CD109: variants seen among roughly 807,000 people sequenced by gnomAD.
CD109 encodes the protein CD109 molecule.
A neutral mutation model predicts 165.8 loss-of-function variants in CD109; 149 were observed. The observed-to-expected ratio is 0.90, with a 90% confidence interval of 0.79 to 1.03. CD109 has a LOEUF of 1.03. Ranked by LOEUF, CD109 falls within the 50% of genes least tolerant of loss-of-function variation. CD109 has a pLI of 0.00. For synonymous variants in CD109, 585 were observed against 592.1 expected (o/e 0.99, Z 0.18); for missense variants, 1,712 against 1,677.8 (o/e 1.02, Z -0.36).
intron 28 of CD109, 130 bp downstream of exon 28, chr6:73,811,277 T>G: frequency 9.3e-7 from 1 of 1,074,324 alleles, no homozygotes; most frequent in Non-Finnish European, 1.3e-6. Context: ...TAGGGAGAAG[T>G]GGTGCCCTTC....
intron 13 of CD109, 148 bp downstream of exon 13, chr6:73,767,158 A>G: frequency 1.5e-6 from 1 of 679,570 alleles, no homozygotes; most frequent in Non-Finnish European, 2.5e-6. Context: ...TCACCCAGGT[A>G]TTAATCCTAG....
At chr6:73,679,782 G>A in the CD109 span, among the ~76,000 whole-genome samples, 1 of 151,872 alleles carries the variant, frequency 6.6e-6, no homozygotes, top group Non-Finnish European at 1.5e-5. Context: ...TTATAGGCAC[G>A]AGCCACCATG....
intron 5 of CD109, among the ~76,000 whole-genome samples, chr6:73,756,357 T>A (rs993680549): frequency 8.5e-5 from 13 of 152,182 alleles, no homozygotes; most frequent in Non-Finnish European, 1.8e-4. Flanking sequence ...ATGATGGAAG[T>A]CAGATTAAGC....
chr6:73,707,962 TTATATATATATA>T (rs200081535), intron 2 of CD109, among the ~76,000 whole-genome samples: 2,728 of 126,584 alleles, frequency 0.022, 64 homozygotes, highest in African/African-American at 0.035. Flanking sequence ...ATTGTTATCT[TTATATATATATA>T]TATATATATA....
chr6:73,740,846 C>T (rs573660713), intron 5 of CD109, among the ~76,000 whole-genome samples: 1 of 152,120 alleles, frequency 6.6e-6, no homozygotes, highest in African/African-American at 2.4e-5. Flanking sequence ...CCTACTCGGC[C>T]TCCCAAAGTG....
At position 73,828,035 on chromosome 6, in the gene CD109, G is replaced by A. The variant is rs1260537899; in HGVS notation, c.*4402G>A. 6.5e-6 allele frequency: 1 copy of A among 154,658 alleles called. No individual in the cohort carries two copies. The highest frequency in any genetic ancestry group is 1.5e-5 in the Non-Finnish European group (1 of 68,172). 9.6% of individuals were successfully genotyped at this position (154,658 alleles called of 1,614,324 possible). ...CAGTTCTGGTCCTTCAAGCCTGTAT[G>A]GTTTGGATTTTCAGTAGGGGACAGT... On this transcript the variant is annotated 3_prime_UTR_variant, in exon 33 of 33. Coordinates refer to ENST00000287097, the MANE Select transcript of CD109 (RefSeq NM_133493.5).
the CD109 span, among the ~76,000 whole-genome samples, chr6:73,686,581 C>T: frequency 7.0e-4 from 106 of 152,280 alleles, no homozygotes; most frequent in African/African-American, 2.4e-3. Flanking sequence ...ATGATCACTG[C>T]TGAGTCTATA....
At chr6:73,690,271 C>T in the CD109 span, among the ~76,000 whole-genome samples, 1 of 152,058 alleles carries the variant, frequency 6.6e-6, no homozygotes. Context: ...TATTTCACTT[C>T]GTTGCTAAAT....
rs912040605 is a variant in CD109 at position 73,763,626 on chromosome 6, A to C, written c.1048A>C (p.Ile350Leu). The change falls in exon 10 of 33, where the codon ATC (isoleucine) becomes CTC (leucine). Residue 350 changes from isoleucine (I) to leucine (L), a missense_variant. Ile to Leu is a conservative substitution (Grantham distance 5). Transcript: ENST00000287097. ...TNVFFKQHDY[I>L]IEFFDYTTVL... ...TGTGTTCTTCAAGCAACATGATTAC[A>C]TCATTGAGTTTTTTGATTATACTAC... 1 of 1,597,128 alleles carries C rather than the reference A, an allele frequency of 6.3e-7. No homozygotes were observed. Among genetic ancestry groups the C allele is most frequent in the African/African-American group, 1.3e-5 (1 of 74,656 alleles).
intron 5 of CD109, among the ~76,000 whole-genome samples, chr6:73,747,785 C>G (rs1173785852): frequency 4.6e-5 from 7 of 152,154 alleles, no homozygotes; most frequent in African/African-American, 1.7e-4. Flanking sequence ...GGCTGGTAAC[C>G]TTAGAGTTCT....
intron 5 of CD109, among the ~76,000 whole-genome samples, chr6:73,744,670 A>C (rs1209784856): frequency 6.6e-6 from 1 of 152,200 alleles, no homozygotes; most frequent in East Asian, 1.9e-4. Context: ...GGCAGTGTGC[A>C]TTTTAATTTC....
intron 27 of CD109, 69 bp downstream of exon 27, chr6:73,810,243 T>C: frequency 5.7e-6 from 2 of 349,684 alleles, no homozygotes; most frequent in Non-Finnish European, 9.1e-6. Flanking sequence ...ATATATATTT[T>C]ATATATAATA....
chr6:73,806,695 A>T, intron 24 of CD109, 149 bp from the exon 25 acceptor site: 6 of 603,782 alleles, frequency 9.9e-6, no homozygotes, highest in South Asian at 2.4e-5. Flanking sequence ...TTCTTTTTTG[A>T]TTTTTTTCTT....
intron 10 of CD109, among the ~76,000 whole-genome samples, chr6:73,764,371 A>G (rs997775916): frequency 6.6e-6 from 1 of 152,252 alleles, no homozygotes; most frequent in African/African-American, 2.4e-5. Context: ...TCTTTGTCAC[A>G]GCTACTCAGC....
chr6:73,734,882 TA>T (rs1328419034), intron 4 of CD109, among the ~76,000 whole-genome samples: 2 of 152,156 alleles, frequency 1.3e-5, no homozygotes, highest in African/African-American at 4.8e-5. Context: ...TTTGGCAAAA[TA>T]AAATATGTAA....
chr6:73,812,902 G>A (rs894588147), intron 29 of CD109, among the ~76,000 whole-genome samples: 1 of 152,070 alleles, frequency 6.6e-6, no homozygotes, highest in Non-Finnish European at 1.5e-5. Flanking sequence ...AAAAATGGTT[G>A]TGTGCTTGGG....
upstream of CD109, chr6:73,694,306 T>C (rs941912374): frequency 2.6e-5 from 4 of 152,244 alleles, 1 homozygote; most frequent in Admixed American, 2.6e-4. Flanking sequence ...TAGCCTCATC[T>C]CTATGCAAAT....
intron 23 of CD109, among the ~76,000 whole-genome samples, chr6:73,798,172 TGG>T (rs1432457641): frequency 1.3e-5 from 2 of 151,126 alleles, no homozygotes; most frequent in African/African-American, 2.4e-5. Context: ...TGGAGTACAG[TGG>T]TACGATCTTG....
chr6:73,729,312 A>G (rs1405525282), intron 3 of CD109, among the ~76,000 whole-genome samples: 2 of 151,678 alleles, frequency 1.3e-5, no homozygotes, highest in Non-Finnish European at 2.9e-5. Flanking sequence ...ATTTTTGGAC[A>G]TATTTTAAAA....
Sources: gnomAD v4.1 joint callset for allele counts (sites outside exome capture counted in the v4.1 genomes callset) on GRCh38, gnomAD v4.1.1 for gene constraint, MANE v1.5 for transcripts, NCBI Gene and HGNC (gene_info 2026-07-23, HGNC 2026-07-21) for gene names.